Variants in BAAT observed in about 807,000 individuals in gnomAD.
The protein encoded by BAAT is bile acid-CoA:amino acid N-acyltransferase.
BAAT carries 13 observed loss-of-function variants against 18.9 expected under a neutral mutation model. The observed-to-expected ratio is 0.69, with a 90% CI of 0.45 to 1.10. The LOEUF is 1.10. Among genes scored for constraint, BAAT ranks in the 50% least tolerant of loss-of-function variants. BAAT has a pLI of 0.00. For missense variants in BAAT, 489 were observed against 504.0 expected (o/e 0.97, Z 0.28); for synonymous variants, 170 against 190.7 (o/e 0.89, Z 0.89).
intron 1 of BAAT, 77 bp from the exon 2 acceptor site, chr9:101,371,540 C>G: frequency 2.2e-6 from 2 of 907,708 alleles, no homozygotes; most frequent in East Asian, 5.2e-5. Context: ...AATCAGCAGT[C>G]AGACCACTTA....
chr9:101,363,224 C>T (rs182696159), intron 3 of BAAT, among the ~76,000 whole-genome samples: 16 of 152,208 alleles, frequency 1.1e-4, no homozygotes, highest in Admixed American at 3.3e-4. Flanking sequence ...CTATATATTA[C>T]GGATTCAGTA....
At position 101,371,476 on chromosome 9, in the gene BAAT, A is replaced by G. The variant is rs1455476472; in HGVS notation, c.-59-13T>C. Reference sequence around the variant, plus strand: ...AAAACCTCAAAACCTCAAAAAAGAAAGAAAGAGGAGCAGTAAAATAAAGTA... The same window carrying G: ...AAAACCTCAAAACCTCAAAAAAGAAGGAAAGAGGAGCAGTAAAATAAAGTA... On this transcript the variant is annotated splice_polypyrimidine_tract_variant and intron_variant, in intron 1 of 3. Coordinates refer to ENST00000259407, the MANE Select transcript of BAAT (RefSeq NM_001701.4). The G allele has an allele frequency of 1.4e-6, 2 of 1,411,258 alleles. No homozygotes were observed. Among genetic ancestry groups the G allele is most frequent in the Non-Finnish European group, 9.8e-7 (1 of 1,021,678 alleles). 87.4% of individuals were successfully genotyped at this position (1,411,258 alleles called of 1,614,324 possible). A position where few individuals can be genotyped will look rare whatever the true frequency, so the allele number is the denominator to read the frequency against.
At position 101,360,733 on chromosome 9, in the gene BAAT, C is replaced by A. The variant is rs1396783633; in HGVS notation, c.*1695G>T. On this transcript the variant is annotated 3_prime_UTR_variant, in exon 4 of 4. Coordinates refer to ENST00000259407, the MANE Select transcript of BAAT (RefSeq NM_001701.4). ...AACTCCCACCAGGCCTCACCTCCAA[C>A]ACTAGGGATTACATTTCAGCATGAA... The A allele has an allele frequency of 1.3e-5, 2 of 153,362 alleles. No individual in the cohort carries two copies. Among genetic ancestry groups the A allele is most frequent in the African/African-American group, 4.8e-5 (2 of 41,454 alleles). 9.5% of individuals were successfully genotyped at this position (153,362 alleles called of 1,614,324 possible).
intron 2 of BAAT, among the ~76,000 whole-genome samples, chr9:101,370,615 A>G (rs774627038): frequency 3.9e-5 from 6 of 152,144 alleles, no homozygotes; most frequent in Non-Finnish European, 8.8e-5. Context: ...TGTAAAGCCC[A>G]TAATGTAGGG....
chr9:101,371,425 G>T lies in BAAT; in HGVS notation c.-21C>A, dbSNP rs764306347. The T allele has an allele frequency of 3.8e-6, 6 of 1,595,528 alleles. No homozygotes were observed. Among genetic ancestry groups the T allele is most frequent in the Admixed American group, 3.3e-5 (2 of 59,836 alleles). On this transcript the variant is annotated 5_prime_UTR_variant, in exon 2 of 4. Transcript: ENST00000259407. The stretch of plus-strand genomic sequence containing the variant: ...ATCATTTTTTTAGTGTGGCACCTGG[G>T]ATGATTCTTCAGGAATATCTTCAGC...
intron 1 of BAAT, among the ~76,000 whole-genome samples, chr9:101,384,545 A>G (rs1399890173): frequency 1.3e-5 from 2 of 152,222 alleles, no homozygotes; most frequent in African/African-American, 4.8e-5. Flanking sequence ...AAGCAATTGG[A>G]CATTGTCTAA....
intron 3 of BAAT, 26 bp from the exon 4 acceptor site, chr9:101,363,041 A>C: frequency 6.3e-7 from 1 of 1,592,190 alleles, no homozygotes; most frequent in Non-Finnish European, 8.6e-7. Context: ...GAAATGAGAA[A>C]TTATTCTAGC....
At chr9:101,380,620 T>C (rs533645486) in intron 1 of BAAT, among the ~76,000 whole-genome samples, 25 of 152,316 alleles carry the variant, frequency 1.6e-4, no homozygotes, top group Admixed American at 3.9e-4. Context: ...TCACATAGCA[T>C]AATCTCTGCC....
chr9:101,379,528 G>A (rs1830098940), intron 1 of BAAT, among the ~76,000 whole-genome samples: 1 of 152,188 alleles, frequency 6.6e-6, no homozygotes, highest in African/African-American at 2.4e-5. Flanking sequence ...AAATAATCAG[G>A]TCAAGCATAA....
In BAAT at chr9:101,361,741, C is replaced by A. The variant is rs1829728038; in HGVS notation, c.*687G>T. ...TTTAATACAGATTTTCAGTAAGGGG[C>A]ATTTTCAACCTAATTGGTTCTATTT... On this transcript the variant is annotated 3_prime_UTR_variant, in exon 4 of 4. Transcript: ENST00000259407. 1 of 152,578 alleles carries A rather than the reference C, an allele frequency of 6.6e-6. No homozygotes were observed. Among genetic ancestry groups the A allele is most frequent in the Admixed American group, 6.5e-5 (1 of 15,270 alleles). 9.5% of individuals were successfully genotyped at this position (152,578 alleles called of 1,614,324 possible). A position where few individuals can be genotyped will look rare whatever the true frequency, so the allele number is the denominator to read the frequency against.
At position 101,385,004 on chromosome 9, in the gene BAAT, G is replaced by A. The variant is rs565859257; in HGVS notation, c.-209C>T. ...TGTCACATATCAGCAGGACCGTGAG[G>A]CCCCGAGCCACAAAACCAGCAAGTT... On this transcript the variant is annotated 5_prime_UTR_variant, in exon 1 of 4. Coordinates refer to ENST00000259407, the MANE Select transcript of BAAT (RefSeq NM_001701.4). 1.3e-3 allele frequency among the ~76,000 whole-genome samples: 192 copies of A among 152,076 alleles called. No individual in the cohort carries two copies. The highest frequency in any genetic ancestry group is 2.1e-3 in the Non-Finnish European group (144 of 67,952).
chr9:101,383,645 A>C (rs969104252), intron 1 of BAAT: 2 of 152,210 alleles, frequency 1.3e-5, no homozygotes, highest in African/African-American at 4.8e-5. Flanking sequence ...AATTTTTAAC[A>C]GTTATTGAAC....
At chr9:101,372,963 G>A (rs139208904) in intron 1 of BAAT, among the ~76,000 whole-genome samples, 8 of 152,288 alleles carry the variant, frequency 5.3e-5, no homozygotes, top group South Asian at 2.1e-4. Context: ...TGCTCAGACC[G>A]AGATCAGGGG....
chr9:101,380,724 T>A (rs1053473132), intron 1 of BAAT, among the ~76,000 whole-genome samples: 1 of 152,160 alleles, frequency 6.6e-6, no homozygotes, highest in African/African-American at 2.4e-5. Context: ...CATTGTAAAA[T>A]TTTTTTAAGT....
At chr9:101,374,153 C>T (rs931742681) in intron 1 of BAAT, among the ~76,000 whole-genome samples, 3 of 152,242 alleles carry the variant, frequency 2.0e-5, no homozygotes, top group East Asian at 1.9e-4. Flanking sequence ...GGACACTAGA[C>T]TCAAGACTAC....
chr9:101,378,152 G>C (rs2119036794), intron 1 of BAAT, among the ~76,000 whole-genome samples: 1 of 152,270 alleles, frequency 6.6e-6, no homozygotes, highest in South Asian at 2.1e-4. Flanking sequence ...ATAGGAAGAA[G>C]TGATACTGTG....
At chr9:101,366,673 T>C (rs1829833652) in intron 3 of BAAT, among the ~76,000 whole-genome samples, 1 of 152,194 alleles carries the variant, frequency 6.6e-6, no homozygotes, top group South Asian at 2.1e-4. Context: ...ACAATGATAA[T>C]ATTGACTGAC....
chr9:101,366,887 G>A (rs1241563347), intron 3 of BAAT, among the ~76,000 whole-genome samples: 1 of 151,614 alleles, frequency 6.6e-6, no homozygotes. Context: ...CAAGGCAGGT[G>A]GATCACTTGA....
chr9:101,363,976 C>T (rs969638520), intron 3 of BAAT, among the ~76,000 whole-genome samples: 1 of 151,882 alleles, frequency 6.6e-6, no homozygotes, highest in Admixed American at 6.6e-5. Context: ...GCTATTGTAC[C>T]CCAGCCTGGG....
Sources: gnomAD v4.1 joint callset for allele counts (sites outside exome capture counted in the v4.1 genomes callset) on GRCh38, gnomAD v4.1.1 for gene constraint, MANE v1.5 for transcripts, NCBI Gene and HGNC (gene_info 2026-07-23, HGNC 2026-07-21) for gene names.